The following PSME3IP1 variants were observed in gnomAD, a reference collection of about 807,000 sequenced individuals.
PSME3IP1 encodes PSME3-interacting protein.
In PSME3IP1, 13 loss-of-function variants were observed where a neutral mutation model predicts 34.1. The ratio of observed to expected loss-of-function variants is 0.38; its 90% CI spans 0.25 to 0.61. The LOEUF is 0.61. PSME3IP1 is among the 20% of genes least tolerant of loss of function. PSME3IP1 has a pLI of 0.60. For missense variants in PSME3IP1, 237 were observed against 301.4 expected, an observed-to-expected ratio of 0.79 and a Z score of 1.58; for synonymous variants, 93 against 114.3, an observed-to-expected ratio of 0.81 and a Z score of 1.19.
chr16:57,169,143 C>T (rs2072267268), intron 4 of PSME3IP1, among the ~76,000 whole-genome samples: 2 of 151,874 alleles, frequency 1.3e-5, no homozygotes, highest in African/African-American at 2.4e-5. Context: ...CTTCTTAAGC[C>T]CCTCTTCTCC....
At chr16:57,184,815 C>T (rs1414296614) in intron 1 of PSME3IP1, among the ~76,000 whole-genome samples, 3 of 152,244 alleles carry the variant, frequency 2.0e-5, no homozygotes, top group African/African-American at 7.2e-5. Flanking sequence ...GACATGAAGA[C>T]TTCAGTTGAG....
intron 1 of PSME3IP1, 146 bp downstream of exon 1, chr16:57,185,675 A>G: frequency 1.0e-6 from 1 of 985,516 alleles, no homozygotes; most frequent in Non-Finnish European, 1.2e-6. Flanking sequence ...CGCAAGCCCC[A>G]GGCTTCGGCT....
intron 1 of PSME3IP1, among the ~76,000 whole-genome samples, chr16:57,177,348 A>ATT (rs567704160): frequency 1.0e-3 from 129 of 128,756 alleles, no homozygotes; most frequent in Non-Finnish European, 1.7e-3. Context: ...CACCTGGCTA[A>ATT]TTTTTTTTTT....
intron 1 of PSME3IP1, among the ~76,000 whole-genome samples, chr16:57,175,159 C>T (rs748956504): frequency 6.6e-6 from 1 of 151,934 alleles, no homozygotes; most frequent in African/African-American, 2.4e-5. Context: ...GGACTACAGG[C>T]GTGTGCCAAC....
At chr16:57,160,093 A>G (rs973066641) in intron 6 of PSME3IP1, among the ~76,000 whole-genome samples, 1 of 152,176 alleles carries the variant, frequency 6.6e-6, no homozygotes, top group African/African-American at 2.4e-5. Flanking sequence ...GATCGAGACC[A>G]TCCTGGCTAA....
At chr16:57,156,716 C>A (rs559639860) in intron 6 of PSME3IP1, among the ~76,000 whole-genome samples, 401 of 152,108 alleles carry the variant, frequency 2.6e-3, no homozygotes, top group Middle Eastern at 0.014. Context: ...GTTAAAAAAA[C>A]AACCAACAAC....
intron 4 of PSME3IP1, 132 bp downstream of exon 4, chr16:57,172,119 A>G: frequency 1.1e-6 from 1 of 899,568 alleles, no homozygotes; most frequent in South Asian, 1.6e-5. Flanking sequence ...AATTACAGGA[A>G]TATCAGTGTT....
chr16:57,168,162 A>G (rs1289437415), intron 4 of PSME3IP1, among the ~76,000 whole-genome samples: 3 of 152,190 alleles, frequency 2.0e-5, no homozygotes, highest in South Asian at 2.1e-4. Context: ...TTTAAGATGC[A>G]CTAGTGCCTG....
chr16:57,183,086 A>C (rs909075239), intron 1 of PSME3IP1, among the ~76,000 whole-genome samples: 5 of 152,244 alleles, frequency 3.3e-5, no homozygotes, highest in Admixed American at 2.0e-4. Flanking sequence ...AGAGGCACTA[A>C]GCAGTTCAGA....
chr16:57,162,722 G>GAA (rs531120357), intron 6 of PSME3IP1, among the ~76,000 whole-genome samples: 4 of 135,020 alleles, frequency 3.0e-5, no homozygotes, highest in Admixed American at 7.3e-5. Flanking sequence ...ACCTTACAAA[G>GAA]AAAAAAAAAA....
At chr16:57,163,364 T>C (rs2071499943) in intron 6 of PSME3IP1, among the ~76,000 whole-genome samples, 1 of 152,168 alleles carries the variant, frequency 6.6e-6, no homozygotes, top group Non-Finnish European at 1.5e-5. Context: ...CATCTTTTTT[T>C]GAGAGAAATT....
intron 5 of PSME3IP1, 116 bp downstream of exon 5, chr16:57,166,977 C>A (rs1008956057): frequency 6.6e-6 from 8 of 1,208,204 alleles, no homozygotes; most frequent in Non-Finnish European, 9.5e-6. Context: ...GTGAGCACAC[C>A]AAGGGAACTT....
chr16:57,157,313 C>CA (rs751911757), intron 6 of PSME3IP1, among the ~76,000 whole-genome samples: 4,281 of 76,424 alleles, frequency 0.056, 222 homozygotes, highest in East Asian at 0.27. Flanking sequence ...AACCTATCTC[C>CA]AAAAAAAAAA....
Position 57,171,005 on chromosome 16 carries a change from G to A in PSME3IP1, c.348+1246C>T, listed in dbSNP as rs1230446767. Among the ~76,000 whole-genome samples, 7 of 152,096 alleles carry A rather than the reference G, an allele frequency of 4.6e-5. No homozygotes were observed. In the South Asian group the frequency reaches 6.2e-4, roughly 13 times the overall value. On this transcript the variant is annotated intron_variant, in intron 4 of 6. Transcript: ENST00000309137. ...GGAGAATCGCTTGAACCCGGGAGGC[G>A]GAGGTTGCAGTGAGACGAGATCGCG...
intron 2 of PSME3IP1, among the ~76,000 whole-genome samples, 164 bp downstream of exon 2, chr16:57,173,564 G>T (rs1053212702): frequency 6.6e-6 from 1 of 152,178 alleles, no homozygotes; most frequent in Non-Finnish European, 1.5e-5. Flanking sequence ...GGGAGGCAGA[G>T]GTTGCAGTGA....
chr16:57,157,131 G>A (rs1286901177), intron 6 of PSME3IP1, among the ~76,000 whole-genome samples: 1 of 151,972 alleles, frequency 6.6e-6, no homozygotes, highest in Non-Finnish European at 1.5e-5. Flanking sequence ...AACACAGGGA[G>A]ACTCTGTCTC....
At chr16:57,159,830 C>T (rs1436098719) in intron 6 of PSME3IP1, among the ~76,000 whole-genome samples, 2 of 152,092 alleles carry the variant, frequency 1.3e-5, no homozygotes, top group African/African-American at 2.4e-5. Context: ...ATATAAAGAG[C>T]GACTAGCTTA....
chr16:57,186,020 C>T lies in PSME3IP1; in HGVS notation c.-215G>A, dbSNP rs1275424167. On this transcript the variant is annotated 5_prime_UTR_variant, in exon 1 of 7. Transcript: ENST00000309137. Reference sequence around the variant, plus strand: ...ATTTCTTTTGACCCTTCAGGGCTTCCTGTTCCTCACCGCCACAATAGAGTC... The same window carrying T: ...ATTTCTTTTGACCCTTCAGGGCTTCTTGTTCCTCACCGCCACAATAGAGTC... 1.0e-6 allele frequency: 1 copy of T among 985,340 alleles called. No homozygotes were observed. Among genetic ancestry groups the T allele is most frequent in the East Asian group, 1.1e-4 (1 of 8,832 alleles). 61.0% of individuals were successfully genotyped at this position (985,340 alleles called of 1,614,324 possible). A position where few individuals can be genotyped will look rare whatever the true frequency, so the allele number is the denominator to read the frequency against.
chr16:57,158,124 T>C (rs1289070665), intron 6 of PSME3IP1, among the ~76,000 whole-genome samples: 2 of 152,188 alleles, frequency 1.3e-5, no homozygotes, highest in African/African-American at 4.8e-5. Flanking sequence ...TACAGTTTCA[T>C]TGCAAATGGC....
Sources: gnomAD v4.1 joint callset for allele counts (sites outside exome capture counted in the v4.1 genomes callset) on GRCh38, gnomAD v4.1.1 for gene constraint, MANE v1.5 for transcripts, NCBI Gene and HGNC (gene_info 2026-07-23, HGNC 2026-07-21) for gene names.